UGT2A2: variants seen among roughly 807,000 people sequenced by gnomAD.
UGT2A2 encodes the protein UDP-glucuronosyltransferase 2A2.
Under a neutral mutation model 50.7 loss-of-function variants are expected in UGT2A2, and 60 were observed. That is an observed-to-expected ratio of 1.18 (90% CI 0.96 to 1.47). The LOEUF (loss-of-function observed/expected upper bound fraction) is 1.47. UGT2A2 is among the 40% of genes most tolerant of loss of function. The pLI is 0.00. For missense variants in UGT2A2, 762 were observed against 634.0 expected (o/e 1.20, Z -2.17); for synonymous variants, 242 against 214.6 (o/e 1.13, Z -1.11).
At chr4:69,591,181 A>C (rs1718576941) in intron 5 of UGT2A2, among the ~76,000 whole-genome samples, 1 of 152,194 alleles carries the variant, frequency 6.6e-6, no homozygotes, top group Non-Finnish European at 1.5e-5. Context: ...TATTTGTAGC[A>C]AAATATGAGT....
intron 1 of UGT2A2, among the ~76,000 whole-genome samples, chr4:69,619,420 C>CATAAA (rs146525091): frequency 0.31 from 46,777 of 149,206 alleles, 7,440 homozygotes; most frequent in South Asian, 0.36. Flanking sequence ...TACATAAATA[C>CATAAA]ATAAAATAAA....
Position 69,588,745 on chromosome 4 carries a change from G to T in UGT2A2, c.*627C>A, listed in dbSNP as rs532343123. ...ATATAAGAATATATGTTGAAGAAAG[G>T]CAGGCAAGTTATGCCGTGATTTTCT... On this transcript the variant is annotated 3_prime_UTR_variant, in exon 6 of 6. Transcript: ENST00000604629. 1 of 151,958 alleles carries T rather than the reference G, an allele frequency of 6.6e-6. No individual in the cohort carries two copies. Among genetic ancestry groups the T allele is most frequent in the Non-Finnish European group, 1.5e-5 (1 of 68,006 alleles). 9.4% of individuals were successfully genotyped at this position (151,958 alleles called of 1,614,324 possible).
chr4:69,634,398 C>A (rs1239999410), intron 1 of UGT2A2, among the ~76,000 whole-genome samples: 2 of 151,938 alleles, frequency 1.3e-5, no homozygotes, highest in African/African-American at 4.8e-5. Context: ...GGGTGGGAAG[C>A]AGGGTATGAG....
rs1475308707 is a variant in UGT2A2 at position 69,588,754 on chromosome 4, T to TTA, written c.*616_*617dup. The TTA allele has an allele frequency of 2.6e-5, 4 of 152,104 alleles. No homozygotes were observed. Among genetic ancestry groups the TTA allele is most frequent in the Non-Finnish European group, 5.9e-5 (4 of 68,022 alleles). The allele number at this position is 152,104 out of a possible 1,614,324, so 9.4% of individuals were successfully genotyped here. A position where few individuals can be genotyped will look rare whatever the true frequency, so the allele number is the denominator to read the frequency against. ...TATATGTTGAAGAAAGGCAGGCAAG[T>TTA]TATGCCGTGATTTTCTAGATATGCT... On this transcript the variant is annotated 3_prime_UTR_variant, in exon 6 of 6. Coordinates refer to ENST00000604629, the MANE Select transcript of UGT2A2 (RefSeq NM_001105677.2).
intron 5 of UGT2A2, among the ~76,000 whole-genome samples, chr4:69,594,102 G>A (rs1718761211): frequency 6.6e-6 from 1 of 151,170 alleles, no homozygotes; most frequent in Non-Finnish European, 1.5e-5. Context: ...AGCCTCCTGA[G>A]TAGCTGGGAC....
At chr4:69,619,124 G>A (rs964387633) in intron 1 of UGT2A2, among the ~76,000 whole-genome samples, 2 of 151,874 alleles carry the variant, frequency 1.3e-5, no homozygotes, top group Non-Finnish European at 2.9e-5. Context: ...CAGGCCACCT[G>A]ATGTGCTTCA....
At position 69,639,117 on chromosome 4, in the gene UGT2A2, G is replaced by A; in HGVS notation, c.524C>T (p.Pro175Leu). The change falls in exon 1 of 6, where the codon CCA (proline) becomes CTA (leucine). Residue 175 changes from proline (P) to leucine (L), a missense_variant. Transcript: ENST00000604629. ...AGAGAACCTCAATGTGTACATAAAT[G>A]GAATTCCTAATTTCAGAGCAACAAG... is the stretch of plus-strand genomic sequence containing the variant. ...GDLVALKLGIPFMYTLRFSPA... is the reference protein window; with the variant it reads ...GDLVALKLGILFMYTLRFSPA... 1 of 1,613,506 alleles carries A rather than the reference G, an allele frequency of 6.2e-7. No individual in the cohort carries two copies. The highest frequency in any genetic ancestry group is 8.5e-7 in the Non-Finnish European group (1 of 1,179,692).
chr4:69,617,305 A>G (rs1358861189), intron 1 of UGT2A2, among the ~76,000 whole-genome samples: 2 of 151,868 alleles, frequency 1.3e-5, no homozygotes, highest in Non-Finnish European at 2.9e-5. Context: ...ATGATGGTTG[A>G]TAGTGCTGAA....
At chr4:69,637,216 T>C (rs949178667) in intron 1 of UGT2A2, among the ~76,000 whole-genome samples, 2 of 152,158 alleles carry the variant, frequency 1.3e-5, no homozygotes, top group African/African-American at 4.8e-5. Context: ...TACAGAACTA[T>C]ACTTGTAAAA....
In UGT2A2 at chr4:69,589,035, A is replaced by C. The variant is rs1718422043; in HGVS notation, c.*337T>G. The C allele has an allele frequency of 5.3e-6, 1 of 189,032 alleles. No homozygotes were observed. Among genetic ancestry groups the C allele is most frequent in the South Asian group, 1.1e-4 (1 of 9,332 alleles). 11.7% of individuals were successfully genotyped at this position (189,032 alleles called of 1,614,324 possible). On this transcript the variant is annotated 3_prime_UTR_variant, in exon 6 of 6. Coordinates refer to ENST00000604629, the MANE Select transcript of UGT2A2 (RefSeq NM_001105677.2). ...CATTACCAGGATTCAGCATATTGTT[A>C]ATCATTAATTAAGGTTAACGATAAA...
At chr4:69,628,787 C>A (rs190323010) in intron 1 of UGT2A2, among the ~76,000 whole-genome samples, 1 of 148,008 alleles carries the variant, frequency 6.8e-6, no homozygotes, top group Non-Finnish European at 1.5e-5. Context: ...AAATAAAATA[C>A]GTGAAATGCC....
intron 1 of UGT2A2, among the ~76,000 whole-genome samples, chr4:69,614,163 G>A (rs1416378380): frequency 1.3e-5 from 2 of 151,766 alleles, no homozygotes; most frequent in Non-Finnish European, 2.9e-5. Context: ...AATATCAGTG[G>A]CATTTCTATA....
At chr4:69,632,980 G>A (rs774400789) in intron 1 of UGT2A2, among the ~76,000 whole-genome samples, 1 of 151,930 alleles carries the variant, frequency 6.6e-6, no homozygotes, top group Non-Finnish European at 1.5e-5. Flanking sequence ...CTTACAAACC[G>A]GACGTGGGTG....
At chr4:69,610,746 G>A (rs1719986990) in intron 1 of UGT2A2, among the ~76,000 whole-genome samples, 1 of 152,060 alleles carries the variant, frequency 6.6e-6, no homozygotes, top group Admixed American at 6.6e-5. Flanking sequence ...AATATAAGAT[G>A]GTGGCCATAA....
intron 1 of UGT2A2, among the ~76,000 whole-genome samples, chr4:69,628,122 T>C (rs991068256): frequency 2.0e-5 from 3 of 151,922 alleles, no homozygotes; most frequent in Non-Finnish European, 2.9e-5. Flanking sequence ...CTTCCAGGGT[T>C]TTTGTGGTTT....
At chr4:69,597,970 T>C (rs1258686316) in intron 2 of UGT2A2, among the ~76,000 whole-genome samples, 1 of 152,148 alleles carries the variant, frequency 6.6e-6, no homozygotes, top group East Asian at 1.9e-4. Flanking sequence ...TTTGTCTTTG[T>C]GAAATTGTGA....
At chr4:69,606,803 G>A (rs539718551) in intron 1 of UGT2A2, among the ~76,000 whole-genome samples, 3 of 136,572 alleles carry the variant, frequency 2.2e-5, no homozygotes, top group Admixed American at 1.4e-4. Flanking sequence ...GCCAAATCAC[G>A]AGTGAGCTCC....
intron 1 of UGT2A2, among the ~76,000 whole-genome samples, chr4:69,626,755 CTG>C (rs1354232926): frequency 2.0e-5 from 3 of 151,772 alleles, no homozygotes; most frequent in Non-Finnish European, 4.4e-5. Context: ...GTTCATTGAA[CTG>C]TTTATACAGT....
intron 5 of UGT2A2, among the ~76,000 whole-genome samples, chr4:69,594,118 G>A (rs931649373): frequency 1.3e-5 from 2 of 151,700 alleles, no homozygotes; most frequent in African/African-American, 4.8e-5. Flanking sequence ...GGGACTACAG[G>A]CGCCCACTAT....
Sources: allele counts gnomAD v4.1 joint callset (sites outside exome capture counted in the v4.1 genomes callset), GRCh38; gene constraint gnomAD v4.1.1; transcripts MANE v1.5; gene names NCBI Gene and HGNC (gene_info 2026-07-23, HGNC 2026-07-21).